Variants in ULK4 observed in about 807,000 individuals in gnomAD.
ULK4 encodes the protein inactive serine/threonine-protein kinase ULK4.
Under a neutral mutation model 160.6 loss-of-function variants are expected in ULK4, and 133 were observed. The observed-to-expected ratio is 0.83, with a 90% CI of 0.72 to 0.96. ULK4 has a LOEUF of 0.96. ULK4 is among the 40% of genes least tolerant of loss of function. ULK4 has a pLI of 0.00. For missense variants in ULK4, 1,580 were observed against 1,499.5 expected (o/e 1.05, Z -0.89); for synonymous variants, 534 against 539.8 (o/e 0.99, Z 0.15).
At chr3:41,502,649 A>G (rs1411588296) in intron 32 of ULK4, among the ~76,000 whole-genome samples, 1 of 152,260 alleles carries the variant, frequency 6.6e-6, no homozygotes, top group Non-Finnish European at 1.5e-5. Context: ...GACAACATGA[A>G]TGAATCTCAA....
chr3:41,736,647 G>C (rs1374677616), intron 22 of ULK4, among the ~76,000 whole-genome samples: 1 of 151,386 alleles, frequency 6.6e-6, no homozygotes, highest in Non-Finnish European at 1.5e-5. Flanking sequence ...TAGGTTGCCT[G>C]TTCACTCTGA....
Position 41,507,083 on chromosome 3 carries a change from T to C in ULK4, c.3227-43830A>G, listed in dbSNP as rs2085420584. 2.0e-5 allele frequency among the ~76,000 whole-genome samples: 3 copies of C among 149,260 alleles called. No homozygotes were observed. In the South Asian group the frequency reaches 6.3e-4, roughly 31 times the overall value. ...TGGATGTGCCAATTATATTATTCAG[T>C]TTTAACTAAATTAACAATAAAAAGG... is the stretch of plus-strand genomic sequence containing the variant. On this transcript the variant is annotated intron_variant, in intron 32 of 36. Coordinates refer to ENST00000301831, the MANE Select transcript of ULK4 (RefSeq NM_017886.4).
intron 2 of ULK4, among the ~76,000 whole-genome samples, chr3:41,951,144 C>CAAAAAAAAAAAA (rs34524276): frequency 6.7e-4 from 43 of 64,514 alleles, no homozygotes; most frequent in East Asian, 1.1e-3. Flanking sequence ...GGCTTCGTCT[C>CAAAAAAAAAAAA]AAAAAAAAAA....
At chr3:41,454,078 A>T (rs112046183) in intron 34 of ULK4, among the ~76,000 whole-genome samples, 2,819 of 149,932 alleles carry the variant, frequency 0.019, 102 homozygotes, top group African/African-American at 0.064. Flanking sequence ...CCTAATGTAA[A>T]TGATGACTTA....
In ULK4 at chr3:41,383,304, T is replaced by G. The variant is rs140292921; in HGVS notation, c.3678+14775A>C. Among the ~76,000 whole-genome samples the G allele has an allele frequency of 6.7e-3, 1,018 of 152,238 alleles. 3 individuals are homozygous for G. The highest frequency in any genetic ancestry group is 0.015 in the African/African-American group (626 of 41,560). The stretch of plus-strand genomic sequence containing the variant: ...AGTGGAGACAGGTTTTCACCATGTT[T>G]GCCAGGTTGGTCTCGAACTCTTGAC... On this transcript the variant is annotated intron_variant, in intron 35 of 36. Coordinates refer to ENST00000301831, the MANE Select transcript of ULK4 (RefSeq NM_017886.4).
At chr3:41,496,122 T>A (rs1038714402) in intron 32 of ULK4, among the ~76,000 whole-genome samples, 2 of 152,078 alleles carry the variant, frequency 1.3e-5, no homozygotes. Flanking sequence ...AATTTTCACC[T>A]ATTTGTAAAA....
At chr3:41,868,698 T>C (rs1696987798) in intron 17 of ULK4, among the ~76,000 whole-genome samples, 1 of 151,980 alleles carries the variant, frequency 6.6e-6, no homozygotes, top group Non-Finnish European at 1.5e-5. Flanking sequence ...GGTTTCATCA[T>C]GTTGGTCAGA....
intron 35 of ULK4, among the ~76,000 whole-genome samples, chr3:41,319,439 T>C (rs2080208319): frequency 6.6e-6 from 1 of 152,210 alleles, no homozygotes. Context: ...GCCAAGTGTT[T>C]AAGTACTGTC....
At chr3:41,742,333 C>G (rs2038268640) in intron 22 of ULK4, among the ~76,000 whole-genome samples, 1 of 151,938 alleles carries the variant, frequency 6.6e-6, no homozygotes, top group Non-Finnish European at 1.5e-5. Context: ...CATTCCCTGC[C>G]CAATAGAAAC....
intron 19 of ULK4, among the ~76,000 whole-genome samples, chr3:41,803,573 G>A (rs1055254338): frequency 3.9e-5 from 6 of 152,070 alleles, no homozygotes; most frequent in Non-Finnish European, 8.8e-5. Context: ...CCATGCTGGT[G>A]TGCTGCACCC....
At chr3:41,933,762 G>T (rs1305987945) in intron 4 of ULK4, among the ~76,000 whole-genome samples, 2 of 151,830 alleles carry the variant, frequency 1.3e-5, no homozygotes, top group Admixed American at 6.6e-5. Flanking sequence ...AAATAATGTG[G>T]TTTTTAGCCA....
At chr3:41,269,987 A>G (rs2079111229) in intron 35 of ULK4, among the ~76,000 whole-genome samples, 1 of 152,070 alleles carries the variant, frequency 6.6e-6, no homozygotes, top group African/African-American at 2.4e-5. Context: ...TATAAAGTAG[A>G]CTGTTTTCTA....
intron 30 of ULK4, among the ~76,000 whole-genome samples, chr3:41,648,692 C>T (rs2034611038): frequency 6.6e-6 from 1 of 152,172 alleles, no homozygotes; most frequent in African/African-American, 2.4e-5. Flanking sequence ...CCACTTGTGA[C>T]ACTTCTCTTC....
chr3:41,959,783 T>C (rs1700609686), intron 1 of ULK4, among the ~76,000 whole-genome samples: 1 of 151,952 alleles, frequency 6.6e-6, no homozygotes, highest in African/African-American at 2.4e-5. Flanking sequence ...ACAAATAAAA[T>C]AGCCTGGCAT....
intron 21 of ULK4, among the ~76,000 whole-genome samples, chr3:41,764,565 T>C (rs1017221412): frequency 1.6e-4 from 24 of 152,162 alleles, no homozygotes; most frequent in Admixed American, 4.6e-4. Flanking sequence ...ACCCTGTCTC[T>C]ACAAAGAAAA....
intron 35 of ULK4, among the ~76,000 whole-genome samples, chr3:41,337,370 G>A (rs1389758254): frequency 1.3e-5 from 2 of 152,130 alleles, no homozygotes; most frequent in Non-Finnish European, 2.9e-5. Context: ...TCTTGTCATT[G>A]TTGCTGTCTG....
intron 22 of ULK4, among the ~76,000 whole-genome samples, chr3:41,753,472 A>G (rs1025784039): frequency 2.0e-5 from 3 of 152,208 alleles, no homozygotes; most frequent in African/African-American, 7.2e-5. Flanking sequence ...TACAGCACGG[A>G]TCAGATGGTT....
intron 17 of ULK4, chr3:41,882,400 A>C (rs1474103414): frequency 1.5e-6 from 1 of 648,504 alleles, no homozygotes; most frequent in African/African-American, 1.8e-5. Context: ...CTTTTCTATA[A>C]GTTGATCATC....
intron 17 of ULK4, among the ~76,000 whole-genome samples, chr3:41,868,574 G>A (rs767782258): frequency 1.3e-5 from 2 of 152,084 alleles, no homozygotes; most frequent in Non-Finnish European, 2.9e-5. Flanking sequence ...TGTAACCTAC[G>A]CCTCCAGGTT....
Sources: allele counts gnomAD v4.1 joint callset (sites outside exome capture counted in the v4.1 genomes callset), GRCh38; gene constraint gnomAD v4.1.1; transcripts MANE v1.5; gene names NCBI Gene and HGNC (gene_info 2026-07-23, HGNC 2026-07-21).